The following PHF14 variants were observed in gnomAD, a reference collection of about 807,000 sequenced individuals.
PHF14 encodes PHD finger protein 14.
Under a neutral mutation model 117.9 loss-of-function variants are expected in PHF14, and 55 were observed. The observed-to-expected ratio is 0.47, with a 90% CI of 0.38 to 0.58. The LOEUF (loss-of-function observed/expected upper bound fraction) is 0.58, where lower values mean the gene tolerates loss of function less well. Among genes scored for constraint, PHF14 ranks in the 20% least tolerant of loss-of-function variants. The probability of loss-of-function intolerance (pLI) is 0.00; values close to 1 mark genes in which losing one functional copy is unlikely to be tolerated. For synonymous variants in PHF14, 409 were observed against 368.6 expected (o/e 1.11, Z -1.26); for missense variants, 978 against 1,122.2 (o/e 0.87, Z 1.84).
chr7:11,003,733 T>C (rs2128313594), intron 4 of PHF14, among the ~76,000 whole-genome samples: 1 of 152,300 alleles, frequency 6.6e-6, no homozygotes, highest in South Asian at 2.1e-4. Flanking sequence ...TTGAATTAAT[T>C]CATTAAAATA....
chr7:10,988,217 C>T (rs376661251), intron 3 of PHF14, among the ~76,000 whole-genome samples: 5 of 151,988 alleles, frequency 3.3e-5, no homozygotes, highest in South Asian at 2.1e-4. Flanking sequence ...GATCAGAGGG[C>T]CAGAAACATT....
intron 17 of PHF14, among the ~76,000 whole-genome samples, chr7:11,118,465 G>A (rs1042673586): frequency 1.3e-5 from 2 of 151,382 alleles, no homozygotes; most frequent in African/African-American, 4.8e-5. Context: ...CTGTACTTTG[G>A]GACTATTAAT....
intron 2 of PHF14, among the ~76,000 whole-genome samples, chr7:10,979,245 T>C (rs1415764028): frequency 6.6e-6 from 1 of 152,134 alleles, no homozygotes; most frequent in African/African-American, 2.4e-5. Context: ...TGTTTTAAAT[T>C]CTAATTTTAA....
chr7:11,007,458 A>G (rs1451695241), intron 4 of PHF14, among the ~76,000 whole-genome samples: 1 of 152,038 alleles, frequency 6.6e-6, no homozygotes, highest in Non-Finnish European at 1.5e-5. Flanking sequence ...TTAAGTTTCA[A>G]AATGAATTTT....
intron 6 of PHF14, among the ~76,000 whole-genome samples, chr7:11,026,474 A>G (rs1007926289): frequency 2.6e-4 from 39 of 152,176 alleles, no homozygotes; most frequent in African/African-American, 9.2e-4. Flanking sequence ...ATGCTTGTAA[A>G]TTTAACAGAG....
At chr7:11,138,739 T>C (rs1056470123) in intron 17 of PHF14, among the ~76,000 whole-genome samples, 6 of 152,194 alleles carry the variant, frequency 3.9e-5, no homozygotes, top group African/African-American at 9.6e-5. Flanking sequence ...AGTCTTAACA[T>C]GAGGAGTGGG....
At chr7:11,141,062 G>A (rs1788384189) in intron 17 of PHF14, among the ~76,000 whole-genome samples, 1 of 152,036 alleles carries the variant, frequency 6.6e-6, no homozygotes, top group Non-Finnish European at 1.5e-5. Flanking sequence ...ACTTAGCTGT[G>A]CCACTCTGGG....
At position 11,119,029 on chromosome 7, in the gene PHF14, C is replaced by T. The variant is rs75328279; in HGVS notation, c.2772+7562C>T. On this transcript the variant is annotated intron_variant, in intron 17 of 17. Transcript: ENST00000634607. ...AAAAACTAAGCCACTTTCTAAATTA[C>T]GCTTACTACAAACTTGAAAAACTAA... Among the ~76,000 whole-genome samples, 948 of 151,840 alleles carry T rather than the reference C, an allele frequency of 6.2e-3. 7 individuals are homozygous for T. Among genetic ancestry groups the T allele is most frequent in the African/African-American group, 0.022 (897 of 41,490 alleles).
At chr7:11,065,660 A>G (rs566614965) in intron 16 of PHF14, among the ~76,000 whole-genome samples, 1 of 152,284 alleles carries the variant, frequency 6.6e-6, no homozygotes, top group Non-Finnish European at 1.5e-5. Context: ...ATAAATGATT[A>G]ATCTATGAAA....
chr7:11,100,132 G>A (rs1002468463), intron 16 of PHF14, among the ~76,000 whole-genome samples: 1 of 151,790 alleles, frequency 6.6e-6, no homozygotes, highest in African/African-American at 2.4e-5. Context: ...TGTTACTCCT[G>A]TATCAAGGTT....
intron 17 of PHF14, among the ~76,000 whole-genome samples, chr7:11,117,075 C>T (rs1325250590): frequency 1.3e-5 from 2 of 151,944 alleles, no homozygotes; most frequent in Non-Finnish European, 2.9e-5. Context: ...AATATGGTTA[C>T]ATGAACATGT....
chr7:11,161,284 A>T (rs1260983485), intron 17 of PHF14, among the ~76,000 whole-genome samples: 1 of 152,194 alleles, frequency 6.6e-6, no homozygotes, highest in Non-Finnish European at 1.5e-5. Flanking sequence ...CAATGAGTCG[A>T]GTGTTGTATT....
chr7:11,062,091 T>G lies in PHF14; in HGVS notation c.2654+6T>G. On this transcript the variant is annotated splice_donor_region_variant and intron_variant, in intron 16 of 17. Transcript: ENST00000634607. ...GACAATGAAAATCTTGTCAGGTAAG[T>G]TGGATGCTAAAACCTTGTCTTTAGG... The G allele has an allele frequency of 6.2e-7, 1 of 1,602,884 alleles. No individual in the cohort carries two copies. The highest frequency in any genetic ancestry group is 1.7e-5 in the Admixed American group (1 of 58,674).
intron 4 of PHF14, among the ~76,000 whole-genome samples, chr7:11,002,157 G>A (rs1782901062): frequency 6.6e-6 from 1 of 151,928 alleles, no homozygotes; most frequent in Non-Finnish European, 1.5e-5. Context: ...TGATTCTCCT[G>A]CCTCAGCCTC....
intron 4 of PHF14, among the ~76,000 whole-genome samples, chr7:10,996,666 A>AG (rs1242392998): frequency 6.6e-6 from 1 of 152,220 alleles, no homozygotes; most frequent in Admixed American, 6.5e-5. Flanking sequence ...CACAGAAGCA[A>AG]GGGGAAAGAT....
chr7:10,989,656 G>C (rs1289164857), intron 3 of PHF14, among the ~76,000 whole-genome samples: 1 of 152,026 alleles, frequency 6.6e-6, no homozygotes, highest in Admixed American at 6.6e-5. Context: ...TTTGAGACAG[G>C]GTCTTGTGCT....
chr7:11,009,309 C>T (rs1322806092), intron 4 of PHF14, among the ~76,000 whole-genome samples: 2 of 152,094 alleles, frequency 1.3e-5, no homozygotes. Context: ...GAATGGGGAA[C>T]ATTTCCACTG....
At chr7:11,150,881 T>G (rs180849783) in intron 17 of PHF14, among the ~76,000 whole-genome samples, 1 of 152,200 alleles carries the variant, frequency 6.6e-6, no homozygotes, top group Non-Finnish European at 1.5e-5. Flanking sequence ...TTAATCAGTC[T>G]TTTGAAATTC....
chr7:10,995,583 C>T (rs1410877442), intron 4 of PHF14, among the ~76,000 whole-genome samples: 1 of 152,214 alleles, frequency 6.6e-6, no homozygotes, highest in African/African-American at 2.4e-5. Flanking sequence ...GTCGATGGGA[C>T]CGCGCCACAG....
Sources: allele counts gnomAD v4.1 joint callset (sites outside exome capture counted in the v4.1 genomes callset), GRCh38; gene constraint gnomAD v4.1.1; transcripts MANE v1.5; gene names NCBI Gene and HGNC (gene_info 2026-07-23, HGNC 2026-07-21).